The following ZNF283 variants were observed in gnomAD, a reference collection of about 807,000 sequenced individuals.
ZNF283 encodes zinc finger protein 41.
ZNF283 carries 10 observed loss-of-function variants against 9.2 expected under a neutral mutation model. The observed-to-expected ratio is 1.09, with a 90% CI of 0.67 to 1.85. The LOEUF (loss-of-function observed/expected upper bound fraction) is 1.85. Among genes scored for constraint, ZNF283 ranks in the 40% most tolerant of loss-of-function variants. The pLI is 0.00. For missense variants in ZNF283, 631 were observed against 760.1 expected (o/e 0.83, Z 2.00); for synonymous variants, 234 against 244.1 (o/e 0.96, Z 0.38).
At chr19:43,836,494 A>G (rs1232461924) in intron 5 of ZNF283, among the ~76,000 whole-genome samples, 3 of 152,122 alleles carry the variant, frequency 2.0e-5, no homozygotes, top group African/African-American at 7.2e-5. Context: ...GGCATCTGCC[A>G]CCACACCTGG....
At chr19:43,843,847 G>A (rs1169072034) in intron 6 of ZNF283, among the ~76,000 whole-genome samples, 5 of 152,080 alleles carry the variant, frequency 3.3e-5, no homozygotes, top group African/African-American at 1.2e-4. Context: ...TAAGTTTTAG[G>A]GTGGTGTCAA....
At chr19:43,839,409 A>G (rs886900874) in intron 6 of ZNF283, among the ~76,000 whole-genome samples, 3 of 152,126 alleles carry the variant, frequency 2.0e-5, no homozygotes, top group Non-Finnish European at 4.4e-5. Flanking sequence ...TTTGACAATA[A>G]TGTGTCTAGA....
At chr19:43,846,652 T>A (rs1971410041) in intron 6 of ZNF283, among the ~76,000 whole-genome samples, 1 of 152,158 alleles carries the variant, frequency 6.6e-6, no homozygotes, top group East Asian at 1.9e-4. Context: ...ACATAAGGGC[T>A]TGATTGATGG....
At chr19:43,841,297 G>A (rs1599724758) in intron 6 of ZNF283, among the ~76,000 whole-genome samples, 2 of 151,838 alleles carry the variant, frequency 1.3e-5, no homozygotes, top group Admixed American at 6.5e-5. Context: ...CCTTAATTTA[G>A]CATGGTCTAC....
intron 6 of ZNF283, 62 bp from the exon 7 acceptor site, chr19:43,846,877 G>GT (rs72062467): frequency 0.082 from 67,776 of 830,114 alleles, 5 homozygotes; most frequent in East Asian, 0.15. Context: ...TTCTACTGTA[G>GT]TTTTTTTTTT....
intron 4 of ZNF283, among the ~76,000 whole-genome samples, chr19:43,834,515 C>G (rs1259426966): frequency 6.6e-6 from 1 of 151,282 alleles, no homozygotes; most frequent in African/African-American, 2.4e-5. Flanking sequence ...ATTACCTAAA[C>G]AGAAAACATT....
intron 6 of ZNF283, among the ~76,000 whole-genome samples, chr19:43,839,071 T>C (rs577331855): frequency 6.6e-6 from 1 of 152,360 alleles, no homozygotes; most frequent in East Asian, 1.9e-4. Context: ...AATTACTGTT[T>C]AGTGTCCTTT....
At chr19:43,840,994 A>T (rs540639989) in intron 6 of ZNF283, 10 of 151,944 alleles carry the variant, frequency 6.6e-5, no homozygotes, top group African/African-American at 2.2e-4. Context: ...GGCCCACCGC[A>T]CCTGGCCAAT....
intron 3 of ZNF283, 87 bp downstream of exon 3, chr19:43,831,468 G>C: frequency 1.5e-5 from 16 of 1,058,294 alleles, no homozygotes; most frequent in Non-Finnish European, 2.1e-5. Flanking sequence ...TATTCCTCCT[G>C]TCACTCAGTT....
rs771767373 is a variant in ZNF283 at position 43,848,497 on chromosome 19, C to T, written c.1896C>T (p.Phe632=). 8.8e-5 allele frequency: 142 copies of T among 1,613,190 alleles called. 1 individual carries two copies. Among genetic ancestry groups the T allele is most frequent in the East Asian group, 3.6e-4 (16 of 44,870 alleles). ...AGAAGCTTTATCAACGTAAGGAATT[C>T]GGGAAGACCTTTACTTGTGGCTCAA... The part of the protein sequence containing the change: ...TGEKLYQRKE[F]GKTFTCGSKL... Residue 632 remains phenylalanine (F), a synonymous_variant, in exon 7 of 7, where the codon TTC becomes TTT. Transcript: ENST00000618787.
rs1317225374 is a variant in ZNF283, at chr19:43,851,797, A to G, written c.*3156A>G. The G allele has an allele frequency of 6.6e-6, 1 of 152,250 alleles. No individual in the cohort carries two copies. The highest frequency in any genetic ancestry group is 1.5e-5 in the Non-Finnish European group (1 of 68,036). 9.4% of individuals were successfully genotyped at this position (152,250 alleles called of 1,614,324 possible). ...ACTTTGTTTAAACTGGTGTATGGCAAACTTCACTGTTGAAATACTTATTCC... is the reference window on the plus strand; with the variant it reads ...ACTTTGTTTAAACTGGTGTATGGCAGACTTCACTGTTGAAATACTTATTCC... On this transcript the variant is annotated 3_prime_UTR_variant, in exon 7 of 7. Transcript: ENST00000618787.
chr19:43,842,624 T>C (rs577809021), intron 6 of ZNF283, among the ~76,000 whole-genome samples: 1 of 152,346 alleles, frequency 6.6e-6, no homozygotes, highest in African/African-American at 2.4e-5. Flanking sequence ...AACTGTGGAC[T>C]GAAGACCCCT....
chr19:43,848,986 A>G lies in ZNF283; in HGVS notation c.*345A>G, dbSNP rs574062342. Reference sequence around the variant, plus strand: ...GTTAAAAAGAGTTTAAATAGGAGGAATGTGGGAAGGACCTAAACTTAATTC... The same window carrying G: ...GTTAAAAAGAGTTTAAATAGGAGGAGTGTGGGAAGGACCTAAACTTAATTC... On this transcript the variant is annotated 3_prime_UTR_variant, in exon 7 of 7. Coordinates refer to ENST00000618787, the MANE Select transcript of ZNF283 (RefSeq NM_181845.2). 8 of 181,652 alleles carry G rather than the reference A, an allele frequency of 4.4e-5. No individual in the cohort carries two copies. The highest frequency in any genetic ancestry group is 2.7e-4 in the Admixed American group (5 of 18,606). The allele number at this position is 181,652 out of a possible 1,614,324, so 11.3% of individuals were successfully genotyped here. A position where few individuals can be genotyped will look rare whatever the true frequency, so the allele number is the denominator to read the frequency against.
chr19:43,837,138 TG>T lies in ZNF283; in HGVS notation c.298del (p.Asp100MetfsTer2). 6.2e-7 allele frequency: 1 copy of T among 1,613,354 alleles called. No individual in the cohort carries two copies. The highest frequency in any genetic ancestry group is 8.5e-7 in the Non-Finnish European group (1 of 1,179,680). ...CLDPAQRDLY[V>X]DVMLENYSNL... is the part of the protein sequence containing the mutation. ...GACCCTGCTCAGAGGGACTTGTACG[TG>T]GATGTAATGTTGGAGAACTATAGTA... On this transcript the variant is annotated frameshift_variant, in exon 6 of 7. Coordinates refer to ENST00000618787, the MANE Select transcript of ZNF283 (RefSeq NM_181845.2). LOFTEE classifies it low-confidence loss of function (END_TRUNC).
intron 1 of ZNF283, chr19:43,827,761 G>C (rs146802213): frequency 6.6e-6 from 1 of 152,390 alleles, no homozygotes; most frequent in African/African-American, 2.4e-5. Flanking sequence ...GATTTGCTTT[G>C]ACCAAATGCT....
chr19:43,837,380 A>G (rs1971027391), intron 6 of ZNF283: 2 of 454,614 alleles, frequency 4.4e-6, no homozygotes, highest in Admixed American at 7.8e-5. Flanking sequence ...GCTTTACACC[A>G]TTCTCGGGCC....
intron 5 of ZNF283, among the ~76,000 whole-genome samples, chr19:43,836,742 C>T (rs1052561502): frequency 5.9e-5 from 9 of 152,146 alleles, no homozygotes; most frequent in Non-Finnish European, 5.9e-5. Flanking sequence ...ATGATGTATA[C>T]GCAGGCACTT....
intron 3 of ZNF283, among the ~76,000 whole-genome samples, chr19:43,831,913 G>A (rs954123891): frequency 6.6e-6 from 1 of 152,160 alleles, no homozygotes; most frequent in African/African-American, 2.4e-5. Context: ...ACAGGCGTGA[G>A]CCACCACACC....
rs78578533 is a variant in ZNF283 at position 43,835,399 on chromosome 19, G to A, written c.123-106G>A. 2.8e-3 allele frequency: 2,093 copies of A among 736,068 alleles called. 34 individuals are homozygous for A. The African/African-American group carries it at 0.033, about 12-fold the overall frequency. The allele number at this position is 736,068 out of a possible 1,614,324, so 45.6% of individuals were successfully genotyped here. ...TTGAATTCCATAAATGGTGCGTGGG[G>A]TGTGTAGCAGAAGCAGGCATGGAGA... is the stretch of plus-strand genomic sequence containing the variant. On this transcript the variant is annotated intron_variant, in intron 4 of 6. Coordinates refer to ENST00000618787, the MANE Select transcript of ZNF283 (RefSeq NM_181845.2).
Sources: gnomAD v4.1 joint callset for allele counts (sites outside exome capture counted in the v4.1 genomes callset) on GRCh38, gnomAD v4.1.1 for gene constraint, MANE v1.5 for transcripts, NCBI Gene and HGNC (gene_info 2026-07-23, HGNC 2026-07-21) for gene names.